Variants in ORC5 observed in about 807,000 individuals in gnomAD.
ORC5 encodes the protein protein phosphatase 1, regulatory subunit 117.
Under a neutral mutation model 58.8 loss-of-function variants are expected in ORC5, and 39 were observed. The observed-to-expected ratio is 0.66, with a 90% CI of 0.51 to 0.87. ORC5 has a LOEUF of 0.87. ORC5 is among the 40% of genes least tolerant of loss of function. The pLI is 0.00. For missense variants in ORC5, 493 were observed against 506.3 expected, an observed-to-expected ratio of 0.97 and a Z score of 0.25; for synonymous variants, 218 against 177.6, an observed-to-expected ratio of 1.23 and a Z score of -1.81.
intron 8 of ORC5, among the ~76,000 whole-genome samples, chr7:104,180,023 T>C (rs1274855466): frequency 6.6e-6 from 1 of 152,210 alleles, no homozygotes; most frequent in Non-Finnish European, 1.5e-5. Context: ...ATAACTTGAT[T>C]CTGTACACTT....
intron 8 of ORC5, among the ~76,000 whole-genome samples, chr7:104,172,952 T>A (rs527508504): frequency 1.9e-4 from 29 of 150,130 alleles, no homozygotes; most frequent in African/African-American, 7.1e-4. Context: ...ATGGCAAAGC[T>A]AGTACTGACT....
At chr7:104,146,985 A>T (rs1177306216) in intron 12 of ORC5, among the ~76,000 whole-genome samples, 1 of 152,186 alleles carries the variant, frequency 6.6e-6, no homozygotes, top group Non-Finnish European at 1.5e-5. Flanking sequence ...TAATTACCTC[A>T]AAAAAGCTTA....
At chr7:104,185,746 C>T (rs1186977091) in intron 6 of ORC5, among the ~76,000 whole-genome samples, 1 of 151,960 alleles carries the variant, frequency 6.6e-6, no homozygotes, top group African/African-American at 2.4e-5. Context: ...TTCTACTGAA[C>T]AGCAGTTTAA....
At chr7:104,207,745 C>A in intron 1 of ORC5, 88 bp downstream of exon 1, 1 of 1,338,090 alleles carries the variant, frequency 7.5e-7, no homozygotes. Context: ...GCCCTCAATC[C>A]AAACACGAAA....
intron 8 of ORC5, among the ~76,000 whole-genome samples, chr7:104,175,816 G>A (rs1412203351): frequency 6.6e-6 from 1 of 152,146 alleles, no homozygotes; most frequent in Admixed American, 6.5e-5. Context: ...GACTAGTCAA[G>A]CAAATCAGAC....
intron 12 of ORC5, among the ~76,000 whole-genome samples, chr7:104,151,718 G>C (rs1328886690): frequency 6.6e-6 from 1 of 152,152 alleles, no homozygotes; most frequent in Non-Finnish European, 1.5e-5. Context: ...TGGCAATTTG[G>C]ATGGAGAGCT....
intron 12 of ORC5, among the ~76,000 whole-genome samples, chr7:104,158,212 C>T (rs369779380): frequency 6.6e-6 from 1 of 152,076 alleles, no homozygotes; most frequent in Non-Finnish European, 1.5e-5. Context: ...CACTATCTAG[C>T]ATTCATTTAC....
chr7:104,165,260 G>T lies in ORC5; in HGVS notation c.1013C>A (p.Thr338Asn). 1 of 1,526,096 alleles carries T rather than the reference G, an allele frequency of 6.6e-7. No individual in the cohort carries two copies. The highest frequency in any genetic ancestry group is 9.0e-7 in the Non-Finnish European group (1 of 1,115,292). 94.5% of individuals were successfully genotyped at this position (1,526,096 alleles called of 1,614,324 possible). A position where few individuals can be genotyped will look rare whatever the true frequency, so the allele number is the denominator to read the frequency against. Reference sequence around the variant, plus strand: ...CTTTTCGTGTTTTTTTAGAAAGTTGGTTTTCTTGATTTTTCCATGATGCTG... The same window carrying T: ...CTTTTCGTGTTTTTTTAGAAAGTTGTTTTTCTTGATTTTTCCATGATGCTG... Reference protein sequence around the residue: ...FLKHHGKIKKTNFLKKHEKTS... With the variant: ...FLKHHGKIKKNNFLKKHEKTS... The change falls in exon 11 of 14, where the codon ACC becomes AAC. Residue 338 changes from threonine to asparagine, a missense_variant. By Grantham distance (65) the Thr-to-Asn change is moderately conservative. Coordinates refer to ENST00000297431, the MANE Select transcript of ORC5 (RefSeq NM_002553.4).
In ORC5 at chr7:104,173,288, C is replaced by T. The variant is rs909211243; in HGVS notation, c.825-4763G>A. Among the ~76,000 whole-genome samples, 74 of 152,330 alleles carry T rather than the reference C, an allele frequency of 4.9e-4. 1 individual carries two copies. The highest frequency in any genetic ancestry group is 1.7e-3 in the African/African-American group (69 of 41,580). ...ATCTCAAAACAATTATGTAATTCTCCTCATTCTTCCTTTAAAAACCTTTGC... is the reference window on the plus strand; with the variant it reads ...ATCTCAAAACAATTATGTAATTCTCTTCATTCTTCCTTTAAAAACCTTTGC... On this transcript the variant is annotated intron_variant, in intron 8 of 13. Transcript: ENST00000297431.
At chr7:104,131,896 C>T (rs1387326724) in intron 13 of ORC5, among the ~76,000 whole-genome samples, 3 of 151,630 alleles carry the variant, frequency 2.0e-5, no homozygotes, top group African/African-American at 7.3e-5. Flanking sequence ...AATACTCTCT[C>T]TCCTTTATAG....
chr7:104,171,854 C>A (rs1220715294), intron 8 of ORC5, among the ~76,000 whole-genome samples: 1 of 151,730 alleles, frequency 6.6e-6, no homozygotes, highest in East Asian at 1.9e-4. Flanking sequence ...GACCCTGTCT[C>A]AAAAAAACAA....
At chr7:104,177,755 T>G (rs1368957379) in intron 8 of ORC5, among the ~76,000 whole-genome samples, 1 of 152,090 alleles carries the variant, frequency 6.6e-6, no homozygotes, top group Non-Finnish European at 1.5e-5. Flanking sequence ...CCCCAGTGTG[T>G]GATGTTCCCC....
At chr7:104,188,024 G>C in intron 6 of ORC5, 1 of 1,102,888 alleles carries the variant, frequency 9.1e-7, no homozygotes, top group Non-Finnish European at 1.1e-6. Flanking sequence ...ACATTTTTCT[G>C]ATCAGATCAA....
rs192275305 is a variant in ORC5 at position 104,127,448 on chromosome 7, T to C, written c.1263-555A>G. On this transcript the variant is annotated intron_variant, in intron 13 of 13. Coordinates refer to ENST00000297431, the MANE Select transcript of ORC5 (RefSeq NM_002553.4). ...AACAAACAGATGATGTGAATGTATA[T>C]TTTTGTACTCTGATGGCAGGCAGAA... Among the ~76,000 whole-genome samples, 831 of 152,306 alleles carry C rather than the reference T, an allele frequency of 5.5e-3. 7 individuals are homozygous for C. Among genetic ancestry groups the C allele is most frequent in the Non-Finnish European group, 6.3e-3 (430 of 68,018 alleles).
rs80137698 is a variant in ORC5, at chr7:104,197,585, A to C, written c.441+140T>G. On this transcript the variant is annotated intron_variant, in intron 4 of 13. Coordinates refer to ENST00000297431, the MANE Select transcript of ORC5 (RefSeq NM_002553.4). ...TGATTTTACTATGAAAAAAACACTG[A>C]GCTTTACTGATAAAAGAAATGCAAA... 666 of 559,396 alleles carry C rather than the reference A, an allele frequency of 1.2e-3. 6 individuals carry two copies. Among genetic ancestry groups the C allele is most frequent in the African/African-American group, 0.011 (547 of 50,638 alleles). 34.7% of individuals were successfully genotyped at this position (559,396 alleles called of 1,614,324 possible).
At chr7:104,158,099 C>G (rs897793054) in intron 12 of ORC5, among the ~76,000 whole-genome samples, 1 of 152,082 alleles carries the variant, frequency 6.6e-6, no homozygotes, top group Non-Finnish European at 1.5e-5. Flanking sequence ...AACAAAAACT[C>G]CTACTCATTC....
intron 3 of ORC5, 30 bp downstream of exon 3, chr7:104,200,728 G>C: frequency 7.7e-7 from 1 of 1,299,074 alleles, no homozygotes; most frequent in African/African-American, 1.5e-5. Context: ...TTCAAGATAA[G>C]AGATGATCTA....
At chr7:104,151,991 T>C (rs1041116690) in intron 12 of ORC5, among the ~76,000 whole-genome samples, 1 of 152,142 alleles carries the variant, frequency 6.6e-6, no homozygotes, top group African/African-American at 2.4e-5. Context: ...ATAAAGAGTC[T>C]TCTCTGAAGC....
intron 11 of ORC5, among the ~76,000 whole-genome samples, chr7:104,163,815 T>C (rs755106022): frequency 1.3e-5 from 2 of 152,216 alleles, no homozygotes; most frequent in Non-Finnish European, 2.9e-5. Flanking sequence ...ACTACAAGCA[T>C]AGCTAGTCTA....
Sources: gnomAD v4.1 joint callset for allele counts (sites outside exome capture counted in the v4.1 genomes callset) on GRCh38, gnomAD v4.1.1 for gene constraint, MANE v1.5 for transcripts, NCBI Gene and HGNC (gene_info 2026-07-23, HGNC 2026-07-21) for gene names.